Variants in FAR2 observed in about 807,000 individuals in gnomAD.
FAR2 encodes the protein fatty acyl-CoA reductase 2.
A neutral mutation model predicts 56.0 loss-of-function variants in FAR2; 19 were observed. The ratio of observed to expected loss-of-function variants is 0.34; its 90% confidence interval spans 0.24 to 0.50. FAR2 has a LOEUF of 0.50. FAR2 is among the 20% of genes least tolerant of loss of function. The pLI is 0.98. For synonymous variants in FAR2, 219 were observed against 218.8 expected (o/e 1.00, Z -0.01); for missense variants, 508 against 642.2 (o/e 0.79, Z 2.26).
intron 2 of FAR2, among the ~76,000 whole-genome samples, chr12:29,282,903 C>T (rs1948809605): frequency 6.6e-6 from 1 of 152,132 alleles, no homozygotes; most frequent in East Asian, 1.9e-4. Flanking sequence ...TTTCTTATTA[C>T]TAAGTTTCTT....
chr12:29,309,150 G>A (rs368600189), intron 5 of FAR2, 36 bp from the exon 6 acceptor site: 726 of 1,499,134 alleles, frequency 4.8e-4, no homozygotes, highest in Non-Finnish European at 6.4e-4. Context: ...ACAATTTTCT[G>A]AAATGTGTAA....
intron 1 of FAR2, among the ~76,000 whole-genome samples, chr12:29,253,349 A>C (rs1490531387): frequency 6.6e-6 from 1 of 150,936 alleles, no homozygotes; most frequent in Non-Finnish European, 1.5e-5. Flanking sequence ...ATATATCTAT[A>C]TCTATCTATA....
intron 1 of FAR2, among the ~76,000 whole-genome samples, chr12:29,153,940 T>G (rs1250227880): frequency 2.6e-5 from 4 of 152,176 alleles, no homozygotes; most frequent in Non-Finnish European, 5.9e-5. Flanking sequence ...AAACAAAAAC[T>G]GATCGCCCTG....
chr12:29,291,588 T>G (rs1948968899), intron 2 of FAR2: 1 of 394,518 alleles, frequency 2.5e-6, no homozygotes, highest in Non-Finnish European at 5.0e-6. Flanking sequence ...TTCCTGGGTG[T>G]GCCCTAGTAA....
intron 1 of FAR2, among the ~76,000 whole-genome samples, chr12:29,224,254 G>T (rs1309918233): frequency 6.6e-6 from 1 of 152,162 alleles, no homozygotes; most frequent in East Asian, 1.9e-4. Flanking sequence ...TGGGGTTGAG[G>T]GGGTTGGAAG....
chr12:29,307,995 G>A (rs889405375), intron 5 of FAR2, 160 bp downstream of exon 5: 3 of 702,020 alleles, frequency 4.3e-6, no homozygotes, highest in Non-Finnish European at 6.7e-6. Flanking sequence ...TCCACTTTGG[G>A]TTCAGGATTT....
Position 29,302,519 on chromosome 12 carries a change from C to T in FAR2, c.546-5139C>T, listed in dbSNP as rs115552117. On this transcript the variant is annotated intron_variant, in intron 4 of 11. Coordinates refer to ENST00000536681, the MANE Select transcript of FAR2 (RefSeq NM_001271783.2). ...CAGCCAGTAGTCCATCTTGGCAGCG[C>T]ATGTGTTACGTGTAGGGAAGAAGTT... 3.3e-3 allele frequency among the ~76,000 whole-genome samples: 495 copies of T among 152,164 alleles called. 1 individual carries two copies. Among genetic ancestry groups the T allele is most frequent in the African/African-American group, 0.011 (465 of 41,486 alleles).
At chr12:29,332,837 C>A in intron 11 of FAR2, 110 bp downstream of exon 11, 1 of 1,031,524 alleles carries the variant, frequency 9.7e-7, no homozygotes, top group Non-Finnish European at 1.5e-6. Flanking sequence ...GCATTTACTA[C>A]ATTACAGGTC....
At chr12:29,303,758 T>C (rs1298831808) in intron 4 of FAR2, among the ~76,000 whole-genome samples, 2 of 152,262 alleles carry the variant, frequency 1.3e-5, no homozygotes, top group Admixed American at 6.5e-5. Context: ...CTTGTGCTTT[T>C]AATTTCAGGA....
intron 1 of FAR2, among the ~76,000 whole-genome samples, chr12:29,234,621 C>A (rs1947909733): frequency 6.6e-6 from 1 of 152,144 alleles, no homozygotes; most frequent in Non-Finnish European, 1.5e-5. Context: ...CAGATCTGTT[C>A]ATGTCACTTC....
intron 1 of FAR2, among the ~76,000 whole-genome samples, chr12:29,250,124 G>C (rs1016259439): frequency 2.7e-5 from 4 of 150,140 alleles, no homozygotes; most frequent in African/African-American, 9.9e-5. Context: ...GTTCTGTGCT[G>C]GTTAGTGTGT....
chr12:29,262,817 A>G (rs1379066994), intron 1 of FAR2, among the ~76,000 whole-genome samples: 1 of 152,218 alleles, frequency 6.6e-6, no homozygotes, highest in Admixed American at 6.5e-5. Flanking sequence ...CATTGAATGT[A>G]AATGGACTAT....
chr12:29,283,054 T>C (rs1036960528), intron 2 of FAR2, among the ~76,000 whole-genome samples: 7 of 152,294 alleles, frequency 4.6e-5, no homozygotes, highest in Admixed American at 2.0e-4. Flanking sequence ...AAATAATGTA[T>C]AGATATTTTT....
chr12:29,260,606 G>A (rs1032579675), intron 1 of FAR2, among the ~76,000 whole-genome samples: 1 of 152,132 alleles, frequency 6.6e-6, no homozygotes, highest in African/African-American at 2.4e-5. Context: ...CCTTCTGCTT[G>A]AGGACAGGGG....
chr12:29,269,214 C>G (rs1037145213), intron 1 of FAR2, among the ~76,000 whole-genome samples: 2 of 152,048 alleles, frequency 1.3e-5, no homozygotes, highest in African/African-American at 4.8e-5. Flanking sequence ...CTTGGGGGGG[C>G]CGTTCATAGG....
chr12:29,193,555 C>G (rs1950120040), intron 1 of FAR2, among the ~76,000 whole-genome samples: 1 of 152,164 alleles, frequency 6.6e-6, no homozygotes, highest in African/African-American at 2.4e-5. Flanking sequence ...AAGTTTCCTC[C>G]ATGTCTTCTC....
chr12:29,327,066 A>T (rs935105279), intron 10 of FAR2, among the ~76,000 whole-genome samples: 2 of 152,236 alleles, frequency 1.3e-5, no homozygotes, highest in Non-Finnish European at 2.9e-5. Flanking sequence ...CTCAGGATAA[A>T]AACTCAATGT....
chr12:29,321,369 CA>C (rs1194990165), intron 9 of FAR2, among the ~76,000 whole-genome samples: 7 of 152,054 alleles, frequency 4.6e-5, no homozygotes. Flanking sequence ...ACAAAATATA[CA>C]AAAAATTAGC....
At chr12:29,171,932 A>C (rs1204926665) in intron 1 of FAR2, 3 of 135,568 alleles carry the variant, frequency 2.2e-5, no homozygotes, top group Non-Finnish European at 3.1e-5. Context: ...GCCGCCAACC[A>C]TCTGGGAAGT....
Sources: gnomAD v4.1 joint callset for allele counts (sites outside exome capture counted in the v4.1 genomes callset) on GRCh38, gnomAD v4.1.1 for gene constraint, MANE v1.5 for transcripts, NCBI Gene and HGNC (gene_info 2026-07-23, HGNC 2026-07-21) for gene names.